Variants in TENM4 observed in about 807,000 individuals in gnomAD.
TENM4 encodes the protein teneurin transmembrane protein 4.
TENM4 carries 82 observed loss-of-function variants against 243.3 expected under a neutral mutation model. The observed-to-expected ratio is 0.34, with a 90% CI of 0.28 to 0.40. The LOEUF is 0.40. Among genes scored for constraint, TENM4 ranks in the 10% least tolerant of loss-of-function variants. TENM4 has a pLI of 1.00. For missense variants in TENM4, 3,138 were observed against 3,673.3 expected (o/e 0.85, Z 3.77); for synonymous variants, 1,412 against 1,456.3 (o/e 0.97, Z 0.69).
intron 12 of TENM4, among the ~76,000 whole-genome samples, chr11:78,831,463 G>A (rs1413706091): frequency 6.6e-6 from 1 of 152,240 alleles, no homozygotes; most frequent in Non-Finnish European, 1.5e-5. Flanking sequence ...AGTGCTTGCG[G>A]TAATAAATGC....
chr11:79,317,767 A>G lies in TENM4; in HGVS notation c.-320-20224T>C, dbSNP rs1015307893. Among the ~76,000 whole-genome samples the G allele has an allele frequency of 3.3e-5, 5 of 152,164 alleles. No individual in the cohort carries two copies. The East Asian group carries it at 5.8e-4, about 18-fold the overall frequency. ...TTCTGCCTTAGTTTCAAACGCCCCA[A>G]TGTCCCAAAATAACCTCTTTCCTAT... On this transcript the variant is annotated intron_variant, in intron 1 of 33. Transcript: ENST00000278550.
chr11:79,072,018 G>A (rs1222126714), intron 4 of TENM4, among the ~76,000 whole-genome samples: 1 of 152,134 alleles, frequency 6.6e-6, no homozygotes, highest in Non-Finnish European at 1.5e-5. Context: ...TTATATTACT[G>A]AGGCTCAAAC....
At chr11:79,137,273 G>C (rs1862127921) in intron 4 of TENM4, among the ~76,000 whole-genome samples, 1 of 152,142 alleles carries the variant, frequency 6.6e-6, no homozygotes, top group South Asian at 2.1e-4. Context: ...TACAGTGTTG[G>C]CTGGGGTGAC....
chr11:79,414,180 A>G (rs1590949183), intron 1 of TENM4, among the ~76,000 whole-genome samples: 2 of 142,406 alleles, frequency 1.4e-5, no homozygotes, highest in South Asian at 2.3e-4. Flanking sequence ...ACACACACAC[A>G]CACGCACACA....
chr11:78,700,850 T>C (rs78972917), intron 28 of TENM4, among the ~76,000 whole-genome samples: 3,797 of 152,238 alleles, frequency 0.025, 153 homozygotes, highest in African/African-American at 0.087. Flanking sequence ...TTAAAATCAC[T>C]TCAGGCAGGG....
intron 2 of TENM4, among the ~76,000 whole-genome samples, chr11:79,268,598 A>C (rs934337430): frequency 1.3e-5 from 2 of 152,116 alleles, no homozygotes; most frequent in Non-Finnish European, 2.9e-5. Flanking sequence ...GTAACCCCAA[A>C]CCCAACACTA....
intron 6 of TENM4, among the ~76,000 whole-genome samples, chr11:78,970,413 A>ACAGC (rs1466900282): frequency 2.0e-5 from 3 of 152,198 alleles, no homozygotes; most frequent in African/African-American, 7.2e-5. Flanking sequence ...TTTGTCAGTG[A>ACAGC]CAGCCCCGAT....
In TENM4 at chr11:78,669,307, A is replaced by G. The variant is rs1211042829; in HGVS notation, c.7038T>C (p.Phe2346=). The G allele has an allele frequency of 1.9e-6, 3 of 1,613,962 alleles. No homozygotes were observed. The highest frequency in any genetic ancestry group is 1.1e-5 in the South Asian group (1 of 91,080). Residue 2346 remains phenylalanine (F), a synonymous_variant, in exon 32 of 34, where the codon TTT becomes TTC. Transcript: ENST00000278550. This position sits in a 1 kb window ranked among gnomAD's most constrained non-coding sequence, Gnocchi z 6.4. ...SLYYDLQGHL[F]AMELSSGDEF... is the part of the protein sequence containing the mutation. ...CATCACCACTGCTCAGCTCCATGGC[A>G]AAGAGGTGTCCTTGCAAGTCGTAGT...
At chr11:79,265,015 G>C (rs1855859645) in intron 2 of TENM4, among the ~76,000 whole-genome samples, 1 of 152,180 alleles carries the variant, frequency 6.6e-6, no homozygotes, top group Non-Finnish European at 1.5e-5. Context: ...GTGTTCAGCT[G>C]CCTGTAGACG....
chr11:79,083,292 T>C (rs1280520219), intron 4 of TENM4, among the ~76,000 whole-genome samples: 1 of 152,238 alleles, frequency 6.6e-6, no homozygotes, highest in Non-Finnish European at 1.5e-5. Context: ...CCGTGCATTC[T>C]GTCCCTAGAC....
chr11:78,930,838 T>C (rs995079089), intron 6 of TENM4, among the ~76,000 whole-genome samples: 8 of 152,180 alleles, frequency 5.3e-5, no homozygotes, highest in African/African-American at 1.9e-4. Flanking sequence ...AACCAGGCCC[T>C]GAGCGAAGAA....
intron 1 of TENM4, among the ~76,000 whole-genome samples, chr11:79,318,511 T>A (rs1405395309): frequency 3.3e-5 from 5 of 152,212 alleles, no homozygotes; most frequent in Non-Finnish European, 5.9e-5. Context: ...CTGATTTCCA[T>A]GGTGTAAATA....
chr11:79,000,836 G>C (rs1327764032), intron 6 of TENM4, among the ~76,000 whole-genome samples: 8 of 152,182 alleles, frequency 5.3e-5, no homozygotes, highest in Non-Finnish European at 1.0e-4. Context: ...TTCTAGACCA[G>C]CCTGGCCAAC....
At chr11:79,227,849 G>T (rs1257766876) in intron 2 of TENM4, among the ~76,000 whole-genome samples, 1 of 152,204 alleles carries the variant, frequency 6.6e-6, no homozygotes, top group Non-Finnish European at 1.5e-5. Flanking sequence ...GGCAGACCAA[G>T]AAAGACACCT....
At chr11:79,321,660 A>G (rs113513442) in intron 1 of TENM4, among the ~76,000 whole-genome samples, 5 of 151,316 alleles carry the variant, frequency 3.3e-5, no homozygotes, top group Admixed American at 1.3e-4. Flanking sequence ...AAAAAAAAAA[A>G]AAAAGGGAGA....
chr11:78,906,279 A>T (rs191836147), intron 6 of TENM4, among the ~76,000 whole-genome samples: 5 of 152,334 alleles, frequency 3.3e-5, no homozygotes, highest in Admixed American at 3.3e-4. Flanking sequence ...TTACAAAACT[A>T]GTCAGTTCTC....
In TENM4 at chr11:78,787,053, C is replaced by A; in HGVS notation, c.2210G>T (p.Gly737Val). The A allele has an allele frequency of 6.4e-7, 1 of 1,550,476 alleles. No individual in the cohort carries two copies. Among genetic ancestry groups the A allele is most frequent in the Non-Finnish European group, 8.7e-7 (1 of 1,146,492 alleles). ...GCGGCAGGTGCCCCCTACGCACACG[C>A]CATGGCCACCACAGTCGGCAGCACA... ...EICAADCGGHGVCVGGTCRCE... is the reference protein window; with the variant it reads ...EICAADCGGHVVCVGGTCRCE... The change falls in exon 16 of 34, where the codon GGC (glycine) becomes GTC (valine). Residue 737 changes from glycine to valine, a missense_variant. Gly to Val is a moderately radical substitution (Grantham distance 109). Transcript: ENST00000278550.
Position 78,669,395 on chromosome 11 carries a change from A to C in TENM4, c.6950T>G (p.Leu2317Arg). The change falls in exon 32 of 34, where the codon CTG (leucine) becomes CGG (arginine). Residue 2317 changes from leucine to arginine, a missense_variant. Leu to Arg is a moderately radical substitution (Grantham distance 102). This residue lies in a region of TENM4 where 2,467 missense variants were observed against 3,059.1 expected (regional missense o/e 0.81). Transcript: ENST00000278550. The surrounding 1 kb of genome is among the most constrained non-coding windows in gnomAD (Gnocchi z 6.4). Reference sequence around the variant, plus strand: ...GTGGGTGACCTTGGTGGGGTTGGTCAGGTCTGCATAGAAGAACTGCAGGTG... The same window carrying C: ...GTGGGTGACCTTGGTGGGGTTGGTCCGGTCTGCATAGAAGAACTGCAGGTG... ...SHHLQFFYAD[L>R]TNPTKVTHLY... 2 of 1,613,530 alleles carry C rather than the reference A, an allele frequency of 1.2e-6. No individual in the cohort carries two copies. Among genetic ancestry groups the C allele is most frequent in the Non-Finnish European group, 1.7e-6 (2 of 1,179,590 alleles).
chr11:78,813,205 C>A (rs1857535081), intron 13 of TENM4, among the ~76,000 whole-genome samples: 2 of 152,208 alleles, frequency 1.3e-5, no homozygotes, highest in South Asian at 4.1e-4. Flanking sequence ...AATAAACAGA[C>A]TCTCATGGCA....
Sources: gnomAD v4.1 joint callset for allele counts (sites outside exome capture counted in the v4.1 genomes callset) on GRCh38, gnomAD v4.1.1 for gene constraint, gnomAD v4.1.1 regional missense constraint, Gnocchi (gnomAD v3.1) non-coding constraint, MANE v1.5 for transcripts, NCBI Gene and HGNC (gene_info 2026-07-23, HGNC 2026-07-21) for gene names.